ERBB4: variants seen among roughly 807,000 people sequenced by gnomAD.
ERBB4 encodes the protein receptor tyrosine-protein kinase erbB-4.
Under a neutral mutation model 158.0 loss-of-function variants are expected in ERBB4, and 42 were observed. That is an observed-to-expected ratio of 0.27 (90% CI 0.21 to 0.34). The LOEUF (loss-of-function observed/expected upper bound fraction) is 0.34, where lower values mean the gene tolerates loss of function less well. Among genes scored for constraint, ERBB4 ranks in the 10% least tolerant of loss-of-function variants. The pLI is 1.00. For synonymous variants in ERBB4, 583 were observed against 558.7 expected (o/e 1.04, Z -0.61); for missense variants, 1,333 against 1,624.1 (o/e 0.82, Z 3.08).
intron 2 of ERBB4, among the ~76,000 whole-genome samples, chr2:211,969,543 G>C (rs2081395346): frequency 6.6e-6 from 1 of 152,002 alleles, no homozygotes; most frequent in South Asian, 2.1e-4. Flanking sequence ...TTTAAGTGTG[G>C]TTGAAGATGA....
chr2:211,453,887 A>T (rs1264463014), intron 20 of ERBB4, among the ~76,000 whole-genome samples: 1 of 152,186 alleles, frequency 6.6e-6, no homozygotes, highest in African/African-American at 2.4e-5. Flanking sequence ...TCTAGGAAAA[A>T]ATACTAAGCT....
chr2:212,403,569 C>T (rs541267671), intron 1 of ERBB4, among the ~76,000 whole-genome samples: 1 of 152,032 alleles, frequency 6.6e-6, no homozygotes, highest in East Asian at 1.9e-4. Flanking sequence ...AGAAGTAAAT[C>T]CTGCAATATG....
At chr2:212,475,723 T>C (rs1320141110) in intron 1 of ERBB4, among the ~76,000 whole-genome samples, 1 of 152,090 alleles carries the variant, frequency 6.6e-6, no homozygotes, top group Non-Finnish European at 1.5e-5. Flanking sequence ...GATGAAAAAA[T>C]AATATAACTC....
chr2:212,304,075 A>G (rs1417628609), intron 1 of ERBB4, among the ~76,000 whole-genome samples: 1 of 151,574 alleles, frequency 6.6e-6, no homozygotes, highest in Non-Finnish European at 1.5e-5. Context: ...GGAGATTTCA[A>G]ACTATACGTA....
chr2:211,676,501 T>C (rs13003212), intron 13 of ERBB4, among the ~76,000 whole-genome samples: 43,536 of 152,040 alleles, frequency 0.29, 7,682 homozygotes, highest in East Asian at 0.9. Context: ...CACATGTTTA[T>C]AAATTTCATA....
intron 20 of ERBB4, among the ~76,000 whole-genome samples, chr2:211,525,071 T>C (rs1348998189): frequency 1.3e-5 from 2 of 152,146 alleles, no homozygotes; most frequent in Non-Finnish European, 2.9e-5. Flanking sequence ...GCCTCACCAC[T>C]GCAAGCTGAA....
chr2:212,474,495 G>A (rs116342824), intron 1 of ERBB4, among the ~76,000 whole-genome samples: 1,829 of 152,164 alleles, frequency 0.012, 38 homozygotes, highest in African/African-American at 0.042. Flanking sequence ...AAAAAATAAC[G>A]TGGCACAGAA....
At chr2:212,291,674 T>A (rs1162565026) in intron 1 of ERBB4, among the ~76,000 whole-genome samples, 1 of 152,020 alleles carries the variant, frequency 6.6e-6, no homozygotes, top group African/African-American at 2.4e-5. Flanking sequence ...AAATAATCAT[T>A]TGATGAACAT....
chr2:211,857,704 T>G (rs1292474467), intron 3 of ERBB4, among the ~76,000 whole-genome samples: 2 of 152,222 alleles, frequency 1.3e-5, no homozygotes, highest in South Asian at 2.1e-4. Context: ...ACAATTTACC[T>G]ACCTGAAACT....
rs1688260441 is a variant in ERBB4 at position 212,455,788 on chromosome 2, A to C, written c.82+82661T>G. On this transcript the variant is annotated intron_variant, in intron 1 of 27. Transcript: ENST00000342788. ...GCAATAGGTAATACATTTCCATTTT[A>C]TCCTGTAAGAATAAAATAAGTATGA... 4.6e-5 allele frequency among the ~76,000 whole-genome samples: 7 copies of C among 152,162 alleles called. No individual in the cohort carries two copies. The South Asian group carries it at 1.2e-3, about 27-fold the overall frequency.
chr2:212,525,910 A>T (rs1240047076), intron 1 of ERBB4, among the ~76,000 whole-genome samples: 1 of 152,006 alleles, frequency 6.6e-6, no homozygotes, highest in Admixed American at 6.6e-5. Flanking sequence ...ACAAGTAGTA[A>T]AACTCTTGAA....
In ERBB4 at chr2:212,071,974, G is replaced by A. The variant is rs73069241; in HGVS notation, c.234+52778C>T. Among the ~76,000 whole-genome samples, 517 of 151,970 alleles carry A rather than the reference G, an allele frequency of 3.4e-3. 1 individual carries two copies. The highest frequency in any genetic ancestry group is 0.012 in the African/African-American group (492 of 41,446). Reference sequence around the variant, plus strand: ...CTCAACACATCATGAGGTATGTATTGGTATTTGAATTGTACAGAAGAAGAA... The same window carrying A: ...CTCAACACATCATGAGGTATGTATTAGTATTTGAATTGTACAGAAGAAGAA... On this transcript the variant is annotated intron_variant, in intron 2 of 27. Transcript: ENST00000342788.
At chr2:211,781,000 C>T (rs1466424875) in intron 4 of ERBB4, among the ~76,000 whole-genome samples, 1 of 152,144 alleles carries the variant, frequency 6.6e-6, no homozygotes, top group African/African-American at 2.4e-5. Context: ...GTCTAATGCA[C>T]ACAAACTGAA....
rs140483465 is a variant in ERBB4, at chr2:211,552,922, C to A, written c.2487+8981G>T. ...TTAAGAATTTCCCCTGAGCTCAGTT[C>A]TTTGCCAGTTCACTGGTGGTTTCAC... On this transcript the variant is annotated intron_variant, in intron 20 of 27. Coordinates refer to ENST00000342788, the MANE Select transcript of ERBB4 (RefSeq NM_005235.3). Among the ~76,000 whole-genome samples the A allele has an allele frequency of 6.1e-3, 928 of 152,012 alleles. 11 individuals carry two copies. Among genetic ancestry groups the A allele is most frequent in the African/African-American group, 0.021 (882 of 41,474 alleles).
At chr2:212,314,492 A>T (rs1202168764) in intron 1 of ERBB4, among the ~76,000 whole-genome samples, 5 of 150,992 alleles carry the variant, frequency 3.3e-5, no homozygotes, top group Non-Finnish European at 4.5e-5. Flanking sequence ...AAAATTAGTT[A>T]TTTGGTTATC....
chr2:212,055,887 G>A (rs2077549381), intron 2 of ERBB4, among the ~76,000 whole-genome samples: 1 of 152,226 alleles, frequency 6.6e-6, no homozygotes, highest in Non-Finnish European at 1.5e-5. Context: ...CCGTCCAAAG[G>A]AGCGCAGCTC....
intron 3 of ERBB4, among the ~76,000 whole-genome samples, chr2:211,849,833 G>GCAAATA (rs71397144): frequency 0.22 from 33,084 of 151,714 alleles, 3,707 homozygotes; most frequent in South Asian, 0.32. Flanking sequence ...CCAGCAAAAT[G>GCAAATA]CAAATGAGGT....
At chr2:211,991,278 G>A (rs2082068684) in intron 2 of ERBB4, among the ~76,000 whole-genome samples, 2 of 152,034 alleles carry the variant, frequency 1.3e-5, no homozygotes, top group Admixed American at 6.6e-5. Context: ...TGCAGATGAT[G>A]ATTAATGCTG....
chr2:211,663,669 T>C (rs1174174459), intron 15 of ERBB4, among the ~76,000 whole-genome samples: 2 of 152,178 alleles, frequency 1.3e-5, no homozygotes, highest in Non-Finnish European at 2.9e-5. Flanking sequence ...ACTATGGCTC[T>C]GTGATCTCAC....
Sources: allele counts gnomAD v4.1 joint callset (sites outside exome capture counted in the v4.1 genomes callset), GRCh38; gene constraint gnomAD v4.1.1; transcripts MANE v1.5; gene names NCBI Gene and HGNC (gene_info 2026-07-23, HGNC 2026-07-21).